Variants in PKHD1 observed in about 807,000 individuals in gnomAD.
The protein encoded by PKHD1 is PKHD1 ciliary IPT domain containing fibrocystin/polyductin, also known as fibrocystin.
A neutral mutation model predicts 412.0 loss-of-function variants in PKHD1; 291 were observed. The observed-to-expected ratio is 0.71, with a 90% confidence interval of 0.64 to 0.78. The LOEUF (loss-of-function observed/expected upper bound fraction) is 0.78, where lower values mean the gene tolerates loss of function less well. Among genes scored for constraint, PKHD1 ranks in the 30% least tolerant of loss-of-function variants. The pLI is 0.00. For missense variants in PKHD1, 4,825 were observed against 4,950.7 expected, an observed-to-expected ratio of 0.97 and a Z score of 0.76; for synonymous variants, 1,777 against 1,821.5, an observed-to-expected ratio of 0.98 and a Z score of 0.62.
rs1772383263 is a variant in PKHD1, at chr6:51,659,135, A to G, written c.10991T>C (p.Ile3664Thr). 1 of 1,613,740 alleles carries G rather than the reference A, an allele frequency of 6.2e-7. No homozygotes were observed. The highest frequency in any genetic ancestry group is 1.7e-5 in the Admixed American group (1 of 59,914). Residue 3664 changes from isoleucine (I) to threonine (T), a missense_variant, in exon 61 of 67, where the codon ATT becomes ACT. Coordinates refer to ENST00000371117, the MANE Select transcript of PKHD1 (RefSeq NM_138694.4). Reference sequence around the variant, plus strand: ...TACTGTTGGCGAATCACCAATTTCAATGACAATCACTTTTGAGATAGTTTC... The same window carrying G: ...TACTGTTGGCGAATCACCAATTTCAGTGACAATCACTTTTGAGATAGTTTC... ...TVETISKVIV[I>T]EIGDSPTVRS...
intron 36 of PKHD1, among the ~76,000 whole-genome samples, chr6:51,949,432 G>A (rs1789980221): frequency 6.6e-6 from 1 of 152,080 alleles, no homozygotes; most frequent in Admixed American, 6.5e-5. Context: ...GTGCTGCTCT[G>A]GGAGCAGGAG....
intron 55 of PKHD1, among the ~76,000 whole-genome samples, chr6:51,764,279 A>T (rs1434922590): frequency 1.3e-5 from 2 of 149,954 alleles, no homozygotes; most frequent in Non-Finnish European, 3.0e-5. Context: ...TTCTCAAAAG[A>T]AGACATTTAT....
intron 36 of PKHD1, among the ~76,000 whole-genome samples, chr6:51,953,468 G>A (rs1219514496): frequency 3.3e-5 from 5 of 151,912 alleles, no homozygotes; most frequent in Admixed American, 2.0e-4. Flanking sequence ...AACATCTCAG[G>A]AAAGTTCTGT....
intron 43 of PKHD1, among the ~76,000 whole-genome samples, chr6:51,891,332 T>C (rs1474350179): frequency 6.6e-6 from 1 of 152,094 alleles, no homozygotes; most frequent in African/African-American, 2.4e-5. Flanking sequence ...CAGGCTGGAG[T>C]GCAATGGCAC....
At chr6:52,060,633 C>T (rs1279380732) in intron 14 of PKHD1, among the ~76,000 whole-genome samples, 1 of 151,900 alleles carries the variant, frequency 6.6e-6, no homozygotes, top group Non-Finnish European at 1.5e-5. Context: ...TTCCAGCAAC[C>T]TAATATTATA....
At chr6:52,041,371 A>T (rs1804856724) in intron 27 of PKHD1, among the ~76,000 whole-genome samples, 1 of 152,184 alleles carries the variant, frequency 6.6e-6, no homozygotes, top group Non-Finnish European at 1.5e-5. Context: ...GAGACTCTGC[A>T]TCTCTAACAA....
chr6:51,992,011 T>C (rs1422532306), intron 35 of PKHD1, among the ~76,000 whole-genome samples: 1 of 152,268 alleles, frequency 6.6e-6, no homozygotes, highest in Non-Finnish European at 1.5e-5. Flanking sequence ...GGCTCTGGAA[T>C]CATTATGTCT....
At chr6:52,066,102 AG>A in intron 11 of PKHD1, 25 bp from the exon 12 acceptor site, 1 of 1,104,254 alleles carries the variant, frequency 9.1e-7, no homozygotes, top group Non-Finnish European at 1.4e-6. Flanking sequence ...AAAAAAAAAA[AG>A]TAAGCTTCCA....
In PKHD1 at chr6:51,744,477, T is replaced by A. The variant is rs2150962645; in HGVS notation, c.10064A>T (p.Lys3355Met). ...DCASPRKYLF[K>M]DLDGRALGLP... ...ACCCAGGGCTCTCCCATCCAGATCC[T>A]TGAAGAGATATTTTCTTGGACTTGC... The change falls in exon 60 of 67, where the codon AAG becomes ATG. Residue 3355 changes from lysine (K) to methionine (M), a missense_variant. Transcript: ENST00000371117. 2 of 1,612,960 alleles carry A rather than the reference T, an allele frequency of 1.2e-6. No homozygotes were observed. The highest frequency in any genetic ancestry group is 4.5e-5 in the East Asian group (2 of 44,874).
chr6:51,787,468 A>T (rs983654558), intron 53 of PKHD1, among the ~76,000 whole-genome samples: 32 of 152,074 alleles, frequency 2.1e-4, no homozygotes, highest in Non-Finnish European at 2.9e-5. Context: ...CTCTGTGCCA[A>T]TGTCCAAATC....
At chr6:51,711,981 T>C (rs1159962437) in intron 60 of PKHD1, among the ~76,000 whole-genome samples, 3 of 152,224 alleles carry the variant, frequency 2.0e-5, no homozygotes, top group Non-Finnish European at 2.9e-5. Context: ...AGGAGTAGCA[T>C]GTGAATCTAA....
rs1282658303 is a variant in PKHD1, at chr6:51,618,726, G to C, written c.*355C>G. 1 of 353,982 alleles carries C rather than the reference G, an allele frequency of 2.8e-6. No homozygotes were observed. The highest frequency in any genetic ancestry group is 5.4e-6 in the Non-Finnish European group (1 of 183,832). 21.9% of individuals were successfully genotyped at this position (353,982 alleles called of 1,614,324 possible). A position where few individuals can be genotyped will look rare whatever the true frequency, so the allele number is the denominator to read the frequency against. On this transcript the variant is annotated 3_prime_UTR_variant, in exon 67 of 67. Transcript: ENST00000371117. ...CTATAAAAGAAGCTCAAAGCATTGT[G>C]GGTGGTCAATCCAGAGAATGCTTAA...
intron 60 of PKHD1, chr6:51,721,885 TA>T: frequency 6.3e-7 from 1 of 1,591,834 alleles, no homozygotes; most frequent in Non-Finnish European, 8.6e-7. Flanking sequence ...AACAGTGTCT[TA>T]ACAAGTCTTT....
At chr6:52,081,787 G>C (rs529696947) in intron 4 of PKHD1, among the ~76,000 whole-genome samples, 2 of 152,116 alleles carry the variant, frequency 1.3e-5, no homozygotes, top group African/African-American at 2.4e-5. Context: ...GAACAGAAAA[G>C]AAAAGGAAAT....
At chr6:51,626,230 T>C (rs2661484) in intron 66 of PKHD1, among the ~76,000 whole-genome samples, 6,610 of 152,222 alleles carry the variant, frequency 0.043, 237 homozygotes, top group African/African-American at 0.095. Context: ...CCACTAAGAT[T>C]GGTAAGCCTT....
At chr6:51,863,860 A>T (rs1442269754) in intron 48 of PKHD1, among the ~76,000 whole-genome samples, 3 of 152,146 alleles carry the variant, frequency 2.0e-5, no homozygotes, top group Admixed American at 6.5e-5. Context: ...TTTTTTATTT[A>T]TATTTTTTTA....
intron 51 of PKHD1, among the ~76,000 whole-genome samples, chr6:51,833,024 C>T (rs935283096): frequency 2.6e-5 from 4 of 152,130 alleles, no homozygotes; most frequent in South Asian, 2.1e-4. Flanking sequence ...CCCAATGTTG[C>T]CTGCTTCCCA....
chr6:51,976,961 A>AAAAAAAAAC (rs1375348760), intron 35 of PKHD1, among the ~76,000 whole-genome samples: 1 of 151,654 alleles, frequency 6.6e-6, no homozygotes, highest in African/African-American at 2.4e-5. Context: ...AAAAAAAAAA[A>AAAAAAAAAC]AAACCTGAAA....
chr6:51,954,480 A>G (rs779489366), intron 36 of PKHD1, among the ~76,000 whole-genome samples: 80 of 152,212 alleles, frequency 5.3e-4, no homozygotes, highest in Admixed American at 3.1e-3. Context: ...ACCAAAAAAT[A>G]GAAAATCACA....
Sources: allele counts gnomAD v4.1 joint callset (sites outside exome capture counted in the v4.1 genomes callset), GRCh38; gene constraint gnomAD v4.1.1; transcripts MANE v1.5; gene names NCBI Gene and HGNC (gene_info 2026-07-23, HGNC 2026-07-21).